ZNF566: variants seen among roughly 807,000 people sequenced by gnomAD.
ZNF566 encodes the protein zinc finger protein 566.
ZNF566 carries 27 observed loss-of-function variants against 32.8 expected under a neutral mutation model. The observed-to-expected ratio is 0.82, with a 90% CI of 0.61 to 1.14. The LOEUF is 1.14. Ranked by LOEUF, ZNF566 falls within the 50% of genes most tolerant of loss-of-function variation. The pLI is 0.00. For synonymous variants in ZNF566, 154 were observed against 159.5 expected (o/e 0.97, Z 0.26); for missense variants, 402 against 490.4 (o/e 0.82, Z 1.70).
intron 1 of ZNF566, among the ~76,000 whole-genome samples, chr19:36,477,531 T>TTTTTG (rs2033921747): frequency 9.2e-6 from 1 of 108,490 alleles, no homozygotes; most frequent in South Asian, 3.1e-4. Flanking sequence ...TTTCTGTTTT[T>TTTTTG]TTTTTGTTTG....
chr19:36,463,537 C>CTTTTTTT (rs56787323), intron 4 of ZNF566, among the ~76,000 whole-genome samples: 1 of 106,290 alleles, frequency 9.4e-6, no homozygotes, highest in Non-Finnish European at 1.9e-5. Flanking sequence ...AATGTAATTT[C>CTTTTTTT]TTTTTTTTTT....
chr19:36,459,776 G>T (rs1373582207), intron 4 of ZNF566, among the ~76,000 whole-genome samples: 1 of 150,814 alleles, frequency 6.6e-6, no homozygotes, highest in African/African-American at 2.4e-5. Flanking sequence ...CTCCCAAAGT[G>T]CTGGGATTAC....
intron 4 of ZNF566, among the ~76,000 whole-genome samples, chr19:36,451,469 G>T (rs545666650): frequency 6.6e-6 from 1 of 152,158 alleles, no homozygotes; most frequent in African/African-American, 2.4e-5. Context: ...CTGACTGGCA[G>T]AAAAGACATT....
chr19:36,464,777 A>T (rs954529429), intron 4 of ZNF566, among the ~76,000 whole-genome samples: 3 of 152,078 alleles, frequency 2.0e-5, no homozygotes, highest in African/African-American at 7.2e-5. Context: ...TAAAAAAAAA[A>T]TTTTGGGAAT....
intron 4 of ZNF566, among the ~76,000 whole-genome samples, chr19:36,459,121 A>G (rs1014092513): frequency 6.6e-6 from 1 of 152,260 alleles, no homozygotes; most frequent in Non-Finnish European, 1.5e-5. Context: ...AAGTGATGAC[A>G]GAAAATAATA....
At chr19:36,479,184 A>G (rs950355131) in intron 1 of ZNF566, among the ~76,000 whole-genome samples, 27 of 152,368 alleles carry the variant, frequency 1.8e-4, no homozygotes, top group Non-Finnish European at 3.5e-4. Flanking sequence ...TCCAGGAAAA[A>G]AAGAATAATG....
At position 36,449,444 on chromosome 19, in the gene ZNF566, A is replaced by T; in HGVS notation, c.790T>A (p.Phe264Ile). The T allele has an allele frequency of 6.2e-7, 1 of 1,614,086 alleles. No individual in the cohort carries two copies. Among genetic ancestry groups the T allele is most frequent in the South Asian group, 1.1e-5 (1 of 91,084 alleles). ...CGAGTGAAGTTTGAACCACTACTAAAGGCTTTCCCACATTCCTTACATTCA... is the reference window on the plus strand; with the variant it reads ...CGAGTGAAGTTTGAACCACTACTAATGGCTTTCCCACATTCCTTACATTCA... ...PYECKECGKA[F>I]SSGSNFTRHQ... Residue 264 changes from phenylalanine (F) to isoleucine (I), a missense_variant, in exon 5 of 5, where the codon TTT becomes ATT. This residue lies in a region of ZNF566 where 135 missense variants were observed against 210.0 expected (regional missense o/e 0.64). Coordinates refer to ENST00000452939, the MANE Select transcript of ZNF566 (RefSeq NM_001145344.1).
chr19:36,488,012 G>A (rs1242861509), intron 1 of ZNF566, among the ~76,000 whole-genome samples: 1 of 151,896 alleles, frequency 6.6e-6, no homozygotes, highest in African/African-American at 2.4e-5. Flanking sequence ...AGCATCTCAG[G>A]TCCTGGCAAA....
chr19:36,458,120 T>C (rs2033364255), intron 4 of ZNF566, among the ~76,000 whole-genome samples: 1 of 151,834 alleles, frequency 6.6e-6, no homozygotes, highest in African/African-American at 2.4e-5. Context: ...TGAAATCAAA[T>C]CAGTATGGGG....
intron 4 of ZNF566, among the ~76,000 whole-genome samples, chr19:36,467,218 G>A (rs1027953803): frequency 2.0e-5 from 3 of 147,400 alleles, no homozygotes; most frequent in Non-Finnish European, 3.0e-5. Flanking sequence ...GGCGGATCAC[G>A]AGGTCAGGAA....
chr19:36,473,580 G>C, intron 2 of ZNF566, 122 bp from the exon 3 acceptor site: 3 of 864,784 alleles, frequency 3.5e-6, no homozygotes, highest in Non-Finnish European at 5.1e-6. Context: ...GAATGTCTGG[G>C]AAGCAGTGGA....
At chr19:36,466,034 A>G (rs1457857781) in intron 4 of ZNF566, among the ~76,000 whole-genome samples, 1 of 152,030 alleles carries the variant, frequency 6.6e-6, no homozygotes, top group African/African-American at 2.4e-5. Flanking sequence ...AGAGATGACT[A>G]CTAAGAATTT....
chr19:36,474,882 C>A (rs914238662), intron 2 of ZNF566, among the ~76,000 whole-genome samples: 1 of 152,114 alleles, frequency 6.6e-6, no homozygotes, highest in East Asian at 1.9e-4. Flanking sequence ...GACATCTATC[C>A]TTTTGCCTTT....
intron 4 of ZNF566, among the ~76,000 whole-genome samples, chr19:36,471,559 C>T (rs1196935129): frequency 6.6e-6 from 1 of 152,116 alleles, no homozygotes; most frequent in Non-Finnish European, 1.5e-5. Context: ...CCAAACGTTA[C>T]CATATCATTT....
At chr19:36,484,938 A>G (rs894920264) in intron 1 of ZNF566, among the ~76,000 whole-genome samples, 2 of 152,134 alleles carry the variant, frequency 1.3e-5, no homozygotes, top group African/African-American at 4.8e-5. Flanking sequence ...TATTCAATAA[A>G]ATGGGAAAAA....
intron 1 of ZNF566, among the ~76,000 whole-genome samples, chr19:36,477,864 A>C (rs2033936169): frequency 6.6e-6 from 1 of 152,124 alleles, no homozygotes; most frequent in African/African-American, 2.4e-5. Flanking sequence ...TAAAGTGCCC[A>C]AAAGAATAAG....
At chr19:36,473,295 G>A (rs1473278592) in intron 3 of ZNF566, 37 bp downstream of exon 3, 1 of 1,612,250 alleles carries the variant, frequency 6.2e-7, no homozygotes, top group South Asian at 1.1e-5. Flanking sequence ...GGCCTTCCAA[G>A]GGCAGAATCT....
intron 4 of ZNF566, among the ~76,000 whole-genome samples, chr19:36,469,422 C>A (rs1204875691): frequency 1.3e-5 from 2 of 152,046 alleles, no homozygotes; most frequent in Non-Finnish European, 2.9e-5. Flanking sequence ...TGCCTGTAAT[C>A]CCACCTACTC....
chr19:36,447,489 T>A lies in ZNF566; in HGVS notation c.*1488A>T, dbSNP rs553139799. 6.6e-6 allele frequency: 1 copy of A among 152,210 alleles called. No individual in the cohort carries two copies. The highest frequency in any genetic ancestry group is 1.9e-4 in the East Asian group (1 of 5,190). The allele number at this position is 152,210 out of a possible 1,614,324, so 9.4% of individuals were successfully genotyped here. A position where few individuals can be genotyped will look rare whatever the true frequency, so the allele number is the denominator to read the frequency against. ...TTTTCTTGGAGTCAATATTGATGTA[T>A]ATTTTCCTTAAAAACCATTTTGTTT... is the stretch of plus-strand genomic sequence containing the variant. On this transcript the variant is annotated 3_prime_UTR_variant, in exon 5 of 5. Transcript: ENST00000452939.
Sources: gnomAD v4.1 joint callset for allele counts (sites outside exome capture counted in the v4.1 genomes callset) on GRCh38, gnomAD v4.1.1 for gene constraint, gnomAD v4.1.1 regional missense constraint, MANE v1.5 for transcripts, NCBI Gene and HGNC (gene_info 2026-07-23, HGNC 2026-07-21) for gene names.